GPR158: variants seen among roughly 807,000 people sequenced by gnomAD.
The protein encoded by GPR158 is metabotropic glycine receptor.
Under a neutral mutation model 78.2 loss-of-function variants are expected in GPR158, and 30 were observed. That is an observed-to-expected ratio of 0.38 (90% CI 0.29 to 0.52). The LOEUF (loss-of-function observed/expected upper bound fraction) is 0.52. GPR158 is among the 20% of genes least tolerant of loss of function. GPR158 has a pLI of 0.83. For missense variants in GPR158, 1,463 were observed against 1,523.5 expected, an observed-to-expected ratio of 0.96 and a Z score of 0.66; for synonymous variants, 581 against 591.1, an observed-to-expected ratio of 0.98 and a Z score of 0.25.
intron 2 of GPR158, among the ~76,000 whole-genome samples, chr10:25,253,162 C>CT (rs1227139563): frequency 7.2e-6 from 1 of 138,998 alleles, no homozygotes; most frequent in African/African-American, 2.7e-5. Flanking sequence ...ATGCCTCGCC[C>CT]TGCTTCGGCT....
At chr10:25,240,100 C>T (rs1051994520) in intron 2 of GPR158, among the ~76,000 whole-genome samples, 15 of 152,184 alleles carry the variant, frequency 9.9e-5, no homozygotes, top group Non-Finnish European at 2.2e-4. Context: ...TTAATCTAGT[C>T]ATTTCAGTCT....
At chr10:25,344,395 G>A (rs1855343161) in intron 2 of GPR158, among the ~76,000 whole-genome samples, 1 of 151,618 alleles carries the variant, frequency 6.6e-6, no homozygotes, top group African/African-American at 2.4e-5. Context: ...TTTTTGTGGT[G>A]AGAACACTTA....
rs1837362184 is a variant in GPR158 at position 25,593,039 on chromosome 10, A to T, written c.1893-1253A>T. On this transcript the variant is annotated intron_variant, in intron 8 of 10. Coordinates refer to ENST00000376351, the MANE Select transcript of GPR158 (RefSeq NM_020752.3). Reference sequence around the variant, plus strand: ...TGTTTTTCTCACAAAGAAGTTAGAGAAGATGGTTAGCCAGAAAGCCCTATC... The same window carrying T: ...TGTTTTTCTCACAAAGAAGTTAGAGTAGATGGTTAGCCAGAAAGCCCTATC... Among the ~76,000 whole-genome samples the T allele has an allele frequency of 2.0e-5, 3 of 151,930 alleles. No homozygotes were observed. The South Asian group carries it at 6.2e-4, about 31-fold the overall frequency.
chr10:25,369,076 A>G (rs10764527), intron 2 of GPR158, among the ~76,000 whole-genome samples: 99,118 of 150,238 alleles, frequency 0.66, 33,787 homozygotes, highest in Non-Finnish European at 0.75. Flanking sequence ...GGCTGAGACA[A>G]TGGGGTTTTC....
chr10:25,212,626 G>GTTTTTT (rs1588737869), intron 1 of GPR158, among the ~76,000 whole-genome samples: 2 of 105,074 alleles, frequency 1.9e-5, no homozygotes, highest in African/African-American at 8.1e-5. Flanking sequence ...AGAATTTATA[G>GTTTTTT]CTTTTTTTTT....
intron 4 of GPR158, among the ~76,000 whole-genome samples, chr10:25,433,696 T>TC (rs201939717): frequency 1.5e-5 from 2 of 135,580 alleles, no homozygotes; most frequent in African/African-American, 2.9e-5. Flanking sequence ...CTTTCTTTCT[T>TC]TTTTTTTTTT....
At chr10:25,432,892 C>A (rs1160204509) in intron 4 of GPR158, among the ~76,000 whole-genome samples, 1 of 152,022 alleles carries the variant, frequency 6.6e-6, no homozygotes, top group Non-Finnish European at 1.5e-5. Context: ...AGTTTCTGTT[C>A]CAGTGTGGGG....
chr10:25,371,844 A>G lies in GPR158; in HGVS notation c.1009-24067A>G, dbSNP rs1219281835. Among the ~76,000 whole-genome samples the G allele has an allele frequency of 4.6e-5, 6 of 131,178 alleles. No homozygotes were observed. In the South Asian group the frequency reaches 1.6e-3, roughly 35 times the overall value. The allele number at this position is 131,178 out of a possible 152,430, so 86.1% of individuals were successfully genotyped here. ...CCAAAAGCAATGGCAACAAAAGCCA[A>G]AATTGACAAATGGGATCTAATTAAA... is the stretch of plus-strand genomic sequence containing the variant. On this transcript the variant is annotated intron_variant, in intron 2 of 10. Coordinates refer to ENST00000376351, the MANE Select transcript of GPR158 (RefSeq NM_020752.3).
intron 5 of GPR158, among the ~76,000 whole-genome samples, chr10:25,524,768 A>C (rs1030762866): frequency 2.0e-5 from 3 of 152,338 alleles, no homozygotes; most frequent in East Asian, 1.9e-4. Context: ...CAAGTGACAA[A>C]AGATGAAATA....
intron 5 of GPR158, among the ~76,000 whole-genome samples, chr10:25,479,290 T>C (rs1320569794): frequency 1.3e-5 from 2 of 152,184 alleles, no homozygotes; most frequent in African/African-American, 4.8e-5. Flanking sequence ...ATAGTATCAC[T>C]TGACTCCAGC....
At chr10:25,505,179 C>A (rs1835994491) in intron 5 of GPR158, among the ~76,000 whole-genome samples, 1 of 152,038 alleles carries the variant, frequency 6.6e-6, no homozygotes, top group Admixed American at 6.6e-5. Flanking sequence ...ACAATGAAAG[C>A]CTTTTTGTGT....
At chr10:25,391,902 A>G (rs1773607) in intron 2 of GPR158, among the ~76,000 whole-genome samples, 97,975 of 151,848 alleles carry the variant, frequency 0.65, 32,573 homozygotes, top group Non-Finnish European at 0.73. Flanking sequence ...GGGAACTGGT[A>G]GGAAGTAATT....
chr10:25,407,277 GA>G (rs1834527380), intron 3 of GPR158, among the ~76,000 whole-genome samples: 1 of 152,178 alleles, frequency 6.6e-6, no homozygotes, highest in African/African-American at 2.4e-5. Flanking sequence ...TGCAGTTACA[GA>G]AAGAAATAAT....
chr10:25,449,862 A>T (rs1342325560), intron 4 of GPR158, among the ~76,000 whole-genome samples: 2 of 152,276 alleles, frequency 1.3e-5, no homozygotes, highest in Non-Finnish European at 2.9e-5. Flanking sequence ...TTTTTAAAAA[A>T]TTTATCCCAA....
chr10:25,276,955 T>A (rs1267121014), intron 2 of GPR158, among the ~76,000 whole-genome samples: 1 of 151,850 alleles, frequency 6.6e-6, no homozygotes. Flanking sequence ...CTATTTTTTT[T>A]TTTTTTTTAT....
intron 2 of GPR158, among the ~76,000 whole-genome samples, chr10:25,359,790 C>T (rs1043288683): frequency 3.9e-5 from 6 of 152,106 alleles, no homozygotes; most frequent in Admixed American, 6.6e-5. Context: ...AATGGGATGG[C>T]TGGGTCAAAT....
At chr10:25,288,953 C>T (rs571652048) in intron 2 of GPR158, among the ~76,000 whole-genome samples, 1 of 152,322 alleles carries the variant, frequency 6.6e-6, no homozygotes, top group Non-Finnish European at 1.5e-5. Flanking sequence ...GACTTTCCAT[C>T]GGCTTCCTTT....
At chr10:25,564,757 C>CTGTT (rs1294285781) in intron 6 of GPR158, among the ~76,000 whole-genome samples, 4 of 152,146 alleles carry the variant, frequency 2.6e-5, no homozygotes, top group Non-Finnish European at 5.9e-5. Context: ...TCAGATTCAG[C>CTGTT]TGTTTTTGTT....
At chr10:25,453,121 A>G (rs1835243760) in intron 4 of GPR158, among the ~76,000 whole-genome samples, 1 of 152,192 alleles carries the variant, frequency 6.6e-6, no homozygotes, top group African/African-American at 2.4e-5. Flanking sequence ...ATATCCATGT[A>G]TCCGTGGATA....
Sources: allele counts gnomAD v4.1 joint callset (sites outside exome capture counted in the v4.1 genomes callset), GRCh38; gene constraint gnomAD v4.1.1; transcripts MANE v1.5; gene names NCBI Gene and HGNC (gene_info 2026-07-23, HGNC 2026-07-21).